CSNK1G3: variants seen among roughly 807,000 people sequenced by gnomAD.
CSNK1G3 encodes casein kinase 1 gamma 3.
Under a neutral mutation model 64.3 loss-of-function variants are expected in CSNK1G3, and 23 were observed. The ratio of observed to expected loss-of-function variants is 0.36; its 90% confidence interval spans 0.26 to 0.51. The LOEUF is 0.51. Ranked by LOEUF, CSNK1G3 falls within the 20% of genes least tolerant of loss-of-function variation. CSNK1G3 has a pLI of 0.96. For missense variants in CSNK1G3, 357 were observed against 510.5 expected (o/e 0.70, Z 2.90); for synonymous variants, 158 against 162.2 (o/e 0.97, Z 0.20).
intron 4 of CSNK1G3, 133 bp downstream of exon 4, chr5:123,557,697 T>A (rs539082169): frequency 1.0e-5 from 6 of 597,638 alleles, no homozygotes; most frequent in South Asian, 7.2e-5. Context: ...GTTTTCTTAC[T>A]ATGGTCTTAG....
At chr5:123,591,885 T>A (rs1311055223) in intron 10 of CSNK1G3, among the ~76,000 whole-genome samples, 2 of 152,094 alleles carry the variant, frequency 1.3e-5, no homozygotes, top group African/African-American at 4.8e-5. Context: ...GAATCAGGCA[T>A]ACATGGATAT....
intron 6 of CSNK1G3, 40 bp downstream of exon 6, chr5:123,576,003 C>G (rs780264286): frequency 7.4e-7 from 1 of 1,347,210 alleles, no homozygotes; most frequent in Admixed American, 1.7e-5. Context: ...TTGAACTTAG[C>G]AGCTGTGCTA....
At chr5:123,550,340 G>T (rs1264030389) in intron 2 of CSNK1G3, among the ~76,000 whole-genome samples, 1 of 151,988 alleles carries the variant, frequency 6.6e-6, no homozygotes, top group Non-Finnish European at 1.5e-5. Context: ...CAGCCAGGAA[G>T]AATAAAGAAA....
intron 6 of CSNK1G3, among the ~76,000 whole-genome samples, chr5:123,584,478 C>G (rs113836037): frequency 8.5e-4 from 129 of 152,218 alleles, no homozygotes; most frequent in African/African-American, 2.9e-3. Context: ...AAAAGTTAAA[C>G]CAAACCTACA....
At chr5:123,515,155 G>A (rs1776922323) in intron 1 of CSNK1G3, among the ~76,000 whole-genome samples, 1 of 152,124 alleles carries the variant, frequency 6.6e-6, no homozygotes, top group South Asian at 2.1e-4. Flanking sequence ...GTAAAAATGT[G>A]ACTCAGGAAG....
At chr5:123,588,282 G>A in intron 7 of CSNK1G3, 129 bp downstream of exon 7, 2 of 1,018,728 alleles carry the variant, frequency 2.0e-6, no homozygotes, top group Non-Finnish European at 3.0e-6. Flanking sequence ...TCCCTGTGTT[G>A]CCCAGGCTGG....
At chr5:123,531,136 T>G (rs565027293) in intron 1 of CSNK1G3, among the ~76,000 whole-genome samples, 14 of 152,246 alleles carry the variant, frequency 9.2e-5, no homozygotes, top group Non-Finnish European at 1.3e-4. Flanking sequence ...CAGTGGGAAA[T>G]CAATTCTATG....
chr5:123,530,305 T>A (rs924443964), intron 1 of CSNK1G3, among the ~76,000 whole-genome samples: 5 of 152,154 alleles, frequency 3.3e-5, no homozygotes, highest in African/African-American at 7.2e-5. Context: ...TAATTAGACT[T>A]CCAGTAATAT....
intron 10 of CSNK1G3, among the ~76,000 whole-genome samples, chr5:123,602,022 A>G (rs771739734): frequency 3.0e-4 from 45 of 152,152 alleles, no homozygotes; most frequent in Non-Finnish European, 2.2e-4. Context: ...AGAAAAAATA[A>G]TTATTTTTAA....
At chr5:123,604,820 G>C in exon 11 of CSNK1G3, 1 of 1,605,854 alleles carries the variant, frequency 6.2e-7, no homozygotes, top group Non-Finnish European at 8.5e-7. Flanking sequence ...AGAAGTGATG[G>C]ATGAAACCAA....
intron 6 of CSNK1G3, among the ~76,000 whole-genome samples, chr5:123,576,282 A>G (rs1459931507): frequency 1.3e-5 from 2 of 152,090 alleles, no homozygotes; most frequent in Admixed American, 6.6e-5. Context: ...GAGAATACCA[A>G]ATTTTAACTG....
chr5:123,608,526 G>A (rs1270869038), intron 12 of CSNK1G3, among the ~76,000 whole-genome samples: 1 of 152,092 alleles, frequency 6.6e-6, no homozygotes, highest in Admixed American at 6.6e-5. Flanking sequence ...TACTTTTTAA[G>A]TAGTATGAAA....
intron 6 of CSNK1G3, among the ~76,000 whole-genome samples, chr5:123,582,115 AT>A (rs902382832): frequency 2.2e-4 from 33 of 151,914 alleles, no homozygotes; most frequent in African/African-American, 4.8e-5. Flanking sequence ...GAAAAAGGGA[AT>A]TTTTTTTGTT....
At chr5:123,598,209 C>T (rs1456481396) in intron 10 of CSNK1G3, among the ~76,000 whole-genome samples, 1 of 152,106 alleles carries the variant, frequency 6.6e-6, no homozygotes, top group Non-Finnish European at 1.5e-5. Context: ...CCTCTCGGTT[C>T]CCTCTTAGAA....
intron 5 of CSNK1G3, among the ~76,000 whole-genome samples, chr5:123,573,887 T>C (rs1328654658): frequency 6.6e-6 from 1 of 151,082 alleles, no homozygotes; most frequent in African/African-American, 2.4e-5. Context: ...TCTTGCTTTG[T>C]TGTCCAGGGC....
chr5:123,514,437 T>G (rs540997061), intron 1 of CSNK1G3, among the ~76,000 whole-genome samples: 19 of 152,330 alleles, frequency 1.2e-4, no homozygotes, highest in African/African-American at 4.6e-4. Context: ...AAGGAATAGT[T>G]TAATTCAACC....
At chr5:123,538,234 T>A (rs1296126947) in intron 1 of CSNK1G3, among the ~76,000 whole-genome samples, 2 of 152,220 alleles carry the variant, frequency 1.3e-5, no homozygotes, top group Non-Finnish European at 2.9e-5. Context: ...GTGTATATTT[T>A]ACTTTATAAG....
intron 1 of CSNK1G3, among the ~76,000 whole-genome samples, chr5:123,537,714 A>G (rs1295846357): frequency 6.6e-6 from 1 of 152,170 alleles, no homozygotes. Context: ...TTTACATACA[A>G]TGCATAGATT....
At chr5:123,579,043 T>C (rs1789726571) in intron 6 of CSNK1G3, among the ~76,000 whole-genome samples, 1 of 151,896 alleles carries the variant, frequency 6.6e-6, no homozygotes, top group African/African-American at 2.4e-5. Flanking sequence ...AAAAGTACCT[T>C]CAAATATACA....
Sources: gnomAD v4.1 joint callset for allele counts (sites outside exome capture counted in the v4.1 genomes callset) on GRCh38, gnomAD v4.1.1 for gene constraint, MANE v1.5 for transcripts, NCBI Gene and HGNC (gene_info 2026-07-23, HGNC 2026-07-21) for gene names.